AP5B1: variants seen among roughly 807,000 people sequenced by gnomAD.
AP5B1 encodes adaptor related protein complex 5 subunit beta 1, also known as AP-5 complex subunit beta-1.
A neutral mutation model predicts 5.7 loss-of-function variants in AP5B1; 3 were observed. That is an observed-to-expected ratio of 0.53 (90% CI 0.24 to 1.36). The LOEUF (loss-of-function observed/expected upper bound fraction) is 1.36. Ranked by LOEUF, AP5B1 falls within the 40% of genes most tolerant of loss-of-function variation. The pLI, the probability that AP5B1 is intolerant of heterozygous loss-of-function variation, is 0.17. For synonymous variants in AP5B1, 696 were observed against 555.5 expected (o/e 1.25, Z -3.56); for missense variants, 1,310 against 1,143.2 (o/e 1.15, Z -2.10).
chr11:65,779,056 T>G lies in AP5B1; in HGVS notation c.1437A>C (p.Gln479His). 2.5e-6 allele frequency: 4 copies of G among 1,607,400 alleles called. No homozygotes were observed. The highest frequency in any genetic ancestry group is 3.4e-6 in the Non-Finnish European group (4 of 1,177,126). ...GGATCAAGGGGGTCAGCACCGTAGG[T>G]TGCCCAGCCAGGCAGCAGGCCACCA... ...SYLVACCLAG[Q>H]PTVLTPLIHG... is the part of the protein sequence containing the mutation. The change falls in exon 2 of 2, where the codon CAA becomes CAC. Residue 479 changes from glutamine to histidine, a missense_variant. Transcript: ENST00000532090.
Position 65,778,231 on chromosome 11 carries a change from G to A in AP5B1, c.2262C>T (p.Ala754=). The change falls in exon 2 of 2, where the codon GCC becomes GCT. Residue 754 remains alanine (A), a synonymous_variant. Transcript: ENST00000532090. The part of the protein sequence containing the change: ...YTTSTGLTCH[A]HLPPLFVNFA... ...AGTTCACGAACAGGGGTGGCAAGTG[G>A]GCATGGCACGTGAGACCAGTGGATG... 6.2e-7 allele frequency: 1 copy of A among 1,613,434 alleles called. No individual in the cohort carries two copies. Among genetic ancestry groups the A allele is most frequent in the Non-Finnish European group, 8.5e-7 (1 of 1,179,898 alleles).
Position 65,778,200 on chromosome 11 carries a change from C to T in AP5B1, c.2293G>A (p.Asp765Asn), listed in dbSNP as rs768669290. 4.3e-6 allele frequency: 7 copies of T among 1,613,250 alleles called. No individual in the cohort carries two copies. The highest frequency in any genetic ancestry group is 4.5e-5 in the East Asian group (2 of 44,886). ...GGCTGCGGGAAAGGCAGAAAGAGGT[C>T]GGCAAAGTTCACGAACAGGGGTGGC... ...HLPPLFVNFA[D>N]LFLPFPQPPE... The change falls in exon 2 of 2, where the codon GAC (aspartate) becomes AAC (asparagine). Residue 765 changes from aspartate to asparagine, a missense_variant. Transcript: ENST00000532090.
Position 65,779,263 on chromosome 11 carries a change from C to T in AP5B1, c.1230G>A (p.Met410Ile), listed in dbSNP as rs184436350. 3.8e-6 allele frequency: 6 copies of T among 1,595,326 alleles called. No homozygotes were observed. In the Admixed American group the frequency reaches 5.1e-5, roughly 14 times the overall value. ...GTAAATGCAGGCGGGCCAGGAGGGCCATTGGGTCATGCAGGAGACTGGGCA... is the reference window on the plus strand; with the variant it reads ...GTAAATGCAGGCGGGCCAGGAGGGCTATTGGGTCATGCAGGAGACTGGGCA... The part of the protein sequence containing the change: ...GLLPSLLHDP[M>I]ALLARLHLLC... Residue 410 changes from methionine (M) to isoleucine (I), a missense_variant, in exon 2 of 2, where the codon ATG becomes ATA. Met to Ile is a conservative substitution (Grantham distance 10). Transcript: ENST00000532090.
rs1205765400 is a variant in AP5B1, at chr11:65,780,195, C to A, written c.298G>T (p.Ala100Ser). 5.3e-6 allele frequency: 8 copies of A among 1,497,878 alleles called. No individual in the cohort carries two copies. The highest frequency in any genetic ancestry group is 7.1e-6 in the Non-Finnish European group (8 of 1,126,502). The allele number at this position is 1,497,878 out of a possible 1,614,324, so 92.8% of individuals were successfully genotyped here. A position where few individuals can be genotyped will look rare whatever the true frequency, so the allele number is the denominator to read the frequency against. The change falls in exon 2 of 2, where the codon GCC (alanine) becomes TCC (serine). Residue 100 changes from alanine to serine, a missense_variant. Physicochemically the swap from Ala to Ser is moderately conservative, Grantham distance 99 (BLOSUM62 1). Transcript: ENST00000532090. ...CCGCCCGCCGCCAGGGCAGTGGTGG[C>A]CGCCAGCAGCAGTGGCCGACGGAGA... The part of the protein sequence containing the change: ...SALRRPLLLA[A>S]TTALAAGGAL...
In AP5B1 at chr11:65,779,086, C is replaced by T. The variant is rs79181038; in HGVS notation, c.1407G>A (p.Ser469=). Residue 469 remains serine (S), a synonymous_variant, in exon 2 of 2, where the codon TCG becomes TCA. Transcript: ENST00000532090. ...RALATLCFQA[S]YLVACCLAGQ... is the part of the protein sequence containing the mutation. ...CAGCCAGGCAGCAGGCCACCAGATA[C>T]GAGGCCTGGAAGCAGAGAGTGGCCA... 2.6e-3 allele frequency: 4,241 copies of T among 1,608,260 alleles called. 78 individuals carry two copies. The African/African-American group carries it at 0.048, about 18-fold the overall frequency.
In AP5B1 at chr11:65,780,600, G is replaced by C. The variant is rs1216775776; in HGVS notation, c.-9C>G. The stretch of plus-strand genomic sequence containing the variant: ...CGGCTCAGGGGCCCCATGGTGAGGC[G>C]CGCGGGCCCCTGCGCAGGGAAGAGG... On this transcript the variant is annotated 5_prime_UTR_variant, in exon 1 of 2. Transcript: ENST00000532090. The C allele has an allele frequency of 7.0e-7, 1 of 1,424,228 alleles. No individual in the cohort carries two copies. Among genetic ancestry groups the C allele is most frequent in the Admixed American group, 2.9e-5 (1 of 34,314 alleles). The allele number at this position is 1,424,228 out of a possible 1,614,324, so 88.2% of individuals were successfully genotyped here. A position where few individuals can be genotyped will look rare whatever the true frequency, so the allele number is the denominator to read the frequency against.
chr11:65,780,328 G>A lies in AP5B1; in HGVS notation c.165C>T (p.Ala55=), dbSNP rs367730829. 4.5e-5 allele frequency: 66 copies of A among 1,474,942 alleles called. No homozygotes were observed. The highest frequency in any genetic ancestry group is 1.8e-4 in the Middle Eastern group (1 of 5,642). 91.4% of individuals were successfully genotyped at this position (1,474,942 alleles called of 1,614,324 possible). A position where few individuals can be genotyped will look rare whatever the true frequency, so the allele number is the denominator to read the frequency against. The change falls in exon 2 of 2, where the codon GCC becomes GCT. Residue 55 remains alanine (A), a synonymous_variant. Transcript: ENST00000532090. ...LSEQTKVSLL[A]LSMEYPAQLW... The stretch of plus-strand genomic sequence containing the variant: ...GCTGCGCAGGGTACTCCATGCTCAG[G>A]GCCAGCAGGGAAACCTGGATGGGGG...
Position 65,777,774 on chromosome 11 carries a change from A to T in AP5B1, c.*82T>A. 7.1e-7 allele frequency: 1 copy of T among 1,407,118 alleles called. No homozygotes were observed. Among genetic ancestry groups the T allele is most frequent in the Non-Finnish European group, 9.4e-7 (1 of 1,069,018 alleles). 87.2% of individuals were successfully genotyped at this position (1,407,118 alleles called of 1,614,324 possible). A position where few individuals can be genotyped will look rare whatever the true frequency, so the allele number is the denominator to read the frequency against. ...AGCCAGCGAGGGCACTGCGGAATGC[A>T]GGGTTTTGGCGACAGAGCTACAGGA... On this transcript the variant is annotated 3_prime_UTR_variant, in exon 2 of 2. Transcript: ENST00000532090.
Position 65,778,604 on chromosome 11 carries a change from G to A in AP5B1, c.1889C>T (p.Ala630Val). The change falls in exon 2 of 2, where the codon GCC (alanine) becomes GTC (valine). Residue 630 changes from alanine to valine, a missense_variant. Physicochemically the swap from Ala to Val is moderately conservative, Grantham distance 64. Transcript: ENST00000532090. ...AGGTGCGGCAAGCGAGGGGCCCAGG[G>A]CCACCCCCAACTTGGGTGCTGCCAG... ...AHLAAPKLGV[A>V]LGPSLAAPAL... is the part of the protein sequence containing the mutation. 1 of 1,594,382 alleles carries A rather than the reference G, an allele frequency of 6.3e-7. No homozygotes were observed. The highest frequency in any genetic ancestry group is 8.5e-7 in the Non-Finnish European group (1 of 1,172,316).
At position 65,780,487 on chromosome 11, in the gene AP5B1, G is replaced by A. The variant is rs1315257973; in HGVS notation, c.105C>T (p.Asp35=). ...TCTCACTTCTCAGGTCGCTCAGCAGGTCGCGACCCAAATCCTCCCCCTCGG... is the reference window on the plus strand; with the variant it reads ...TCTCACTTCTCAGGTCGCTCAGCAGATCGCGACCCAAATCCTCCCCCTCGG... ...AGPEGEDLGR[D]LLSDLRSEKL... The change falls in exon 1 of 2, where the codon GAC becomes GAT. Residue 35 remains aspartate (D), a synonymous_variant. Transcript: ENST00000532090. 3 of 1,520,106 alleles carry A rather than the reference G, an allele frequency of 2.0e-6. No individual in the cohort carries two copies. Among genetic ancestry groups the A allele is most frequent in the South Asian group, 2.4e-5 (2 of 81,788 alleles). The allele number at this position is 1,520,106 out of a possible 1,614,324, so 94.2% of individuals were successfully genotyped here.
rs898970374 is a variant in AP5B1 at position 65,777,756 on chromosome 11, G to A, written c.*100C>T. Reference sequence around the variant, plus strand: ...GGGGCCCAAAAGAAAACAAGCCAGCGAGGGCACTGCGGAATGCAGGGTTTT... The same window carrying A: ...GGGGCCCAAAAGAAAACAAGCCAGCAAGGGCACTGCGGAATGCAGGGTTTT... On this transcript the variant is annotated 3_prime_UTR_variant, in exon 2 of 2. Transcript: ENST00000532090. 15 of 1,345,886 alleles carry A rather than the reference G, an allele frequency of 1.1e-5. No homozygotes were observed. Among genetic ancestry groups the A allele is most frequent in the African/African-American group, 5.9e-5 (4 of 67,744 alleles). 83.4% of individuals were successfully genotyped at this position (1,345,886 alleles called of 1,614,324 possible).
chr11:65,778,370 TC>T lies in AP5B1; in HGVS notation c.2122del (p.Glu708ArgfsTer54). 1.2e-6 allele frequency: 2 copies of T among 1,607,618 alleles called. No individual in the cohort carries two copies. The highest frequency in any genetic ancestry group is 1.7e-6 in the Non-Finnish European group (2 of 1,177,882). On this transcript the variant is annotated frameshift_variant, in exon 2 of 2. Coordinates refer to ENST00000532090, the MANE Select transcript of AP5B1 (RefSeq NM_138368.5). LOFTEE classifies it low-confidence loss of function (END_TRUNC). ...ACACAGGCAGGGCACATGGACAGCC[TC>T]CAGGGGTGCATACAGCTGTCCTTCC... ...RVEGQLYAPLEAVHVPCLCPG... is the reference protein window; with the variant it reads ...RVEGQLYAPLXAVHVPCLCPG...
In AP5B1 at chr11:65,779,832, C is replaced by T; in HGVS notation, c.661G>A (p.Gly221Ser). 3.8e-6 allele frequency: 6 copies of T among 1,589,812 alleles called. No individual in the cohort carries two copies. Among genetic ancestry groups the T allele is most frequent in the Non-Finnish European group, 4.3e-6 (5 of 1,168,350 alleles). Reference sequence around the variant, plus strand: ...TCCACTAGTGTCCAATCCCAGGGACCACCCCCAGTTGGGGAGACCTTATCC... The same window carrying T: ...TCCACTAGTGTCCAATCCCAGGGACTACCCCCAGTTGGGGAGACCTTATCC... ...LTDKVSPTGG[G>S]PWDWTLVEEG... The change falls in exon 2 of 2, where the codon GGT becomes AGT. Residue 221 changes from glycine (G) to serine (S), a missense_variant. Physicochemically the swap from Gly to Ser is moderately conservative, Grantham distance 56. Transcript: ENST00000532090.
In AP5B1 at chr11:65,779,988, G is replaced by A; in HGVS notation, c.505C>T (p.Leu169=). The A allele has an allele frequency of 6.4e-7, 1 of 1,572,884 alleles. No individual in the cohort carries two copies. The highest frequency in any genetic ancestry group is 8.6e-7 in the Non-Finnish European group (1 of 1,159,706). Residue 169 remains leucine (L), a synonymous_variant, in exon 2 of 2, where the codon CTG becomes TTG. Coordinates refer to ENST00000532090, the MANE Select transcript of AP5B1 (RefSeq NM_138368.5). ...SCKPGLLGGS[L]GLLRGLLGQE... Reference sequence around the variant, plus strand: ...CCCAGCAGGCCCCGCAGCAACCCCAGGGAGCCCCCCAGCAGCCCGGGCTTG... The same window carrying A: ...CCCAGCAGGCCCCGCAGCAACCCCAAGGAGCCCCCCAGCAGCCCGGGCTTG...
Position 65,778,348 on chromosome 11 carries a change from C to G in AP5B1, c.2145G>C (p.Leu715=). 1 of 1,610,988 alleles carries G rather than the reference C, an allele frequency of 6.2e-7. No individual in the cohort carries two copies. The highest frequency in any genetic ancestry group is 8.5e-7 in the Non-Finnish European group (1 of 1,179,178). ...APLEAVHVPC[L]CPGRPARPLL... is the part of the protein sequence containing the mutation. ...GAGGGCGGGCAGGGCGGCCAGGACA[C>G]AGGCAGGGCACATGGACAGCCTCCA... The change falls in exon 2 of 2, where the codon CTG becomes CTC. Residue 715 remains leucine (L), a synonymous_variant. Coordinates refer to ENST00000532090, the MANE Select transcript of AP5B1 (RefSeq NM_138368.5).
chr11:65,780,242 A>T lies in AP5B1; in HGVS notation c.251T>A (p.Leu84His). Residue 84 changes from leucine (L) to histidine (H), a missense_variant, in exon 2 of 2, where the codon CTC (leucine) becomes CAC (histidine). Physicochemically the swap from Leu to His is moderately conservative, Grantham distance 99. Coordinates refer to ENST00000532090, the MANE Select transcript of AP5B1 (RefSeq NM_138368.5). ...GAGAGCTGAGGGCCGCGGGGGTAGG[A>T]GGACCAAGGTGTCCAACAGGGAGGT... ...AATSLLDTLVLLPPRPSALRR... is the reference protein window; with the variant it reads ...AATSLLDTLVHLPPRPSALRR... 6.6e-7 allele frequency: 1 copy of T among 1,514,566 alleles called. No individual in the cohort carries two copies. The highest frequency in any genetic ancestry group is 2.3e-5 in the Admixed American group (1 of 44,178). 93.8% of individuals were successfully genotyped at this position (1,514,566 alleles called of 1,614,324 possible).
In AP5B1 at chr11:65,777,890, C is replaced by T. The variant is rs1317747499; in HGVS notation, c.2603G>A (p.Gly868Glu). 1.3e-6 allele frequency: 2 copies of T among 1,543,912 alleles called. No individual in the cohort carries two copies. The highest frequency in any genetic ancestry group is 8.7e-7 in the Non-Finnish European group (1 of 1,142,990). ...AGCCGCCAGCCCACGGAGGTAGTCC[C>T]CCGCCAGGGGCAGCACGGCCCAGTC... ...TDDWAVLPLA[G>E]DYLRGLAAAV The change falls in exon 2 of 2, where the codon GGG (glycine) becomes GAG (glutamate). Residue 868 changes from glycine (G) to glutamate (E), a missense_variant. Gly to Glu is a moderately conservative substitution (Grantham distance 98). Transcript: ENST00000532090.
chr11:65,780,702 C>T lies in AP5B1; in HGVS notation c.-111G>A. The T allele has an allele frequency of 8.6e-7, 1 of 1,156,768 alleles. No homozygotes were observed. Among genetic ancestry groups the T allele is most frequent in the South Asian group, 3.4e-5 (1 of 29,788 alleles). The allele number at this position is 1,156,768 out of a possible 1,614,324, so 71.7% of individuals were successfully genotyped here. A position where few individuals can be genotyped will look rare whatever the true frequency, so the allele number is the denominator to read the frequency against. On this transcript the variant is annotated 5_prime_UTR_variant, in exon 1 of 2. Coordinates refer to ENST00000532090, the MANE Select transcript of AP5B1 (RefSeq NM_138368.5). Reference sequence around the variant, plus strand: ...GGGCTGCGGTCACCCCCAGACGCCGCGCAGATGCCGGCGGGACCCGCGCCC... The same window carrying T: ...GGGCTGCGGTCACCCCCAGACGCCGTGCAGATGCCGGCGGGACCCGCGCCC...
Position 65,779,014 on chromosome 11 carries a change from C to A in AP5B1, c.1479G>T (p.Leu493=). ...LTPLIHGLAQ[L]YQARPMLAPH... ...GAGCCAGCATGGGCCGGGCTTGGTACAGCTGGGCCAGTCCGTGGATCAAGG... is the reference window on the plus strand; with the variant it reads ...GAGCCAGCATGGGCCGGGCTTGGTAAAGCTGGGCCAGTCCGTGGATCAAGG... The change falls in exon 2 of 2, where the codon CTG becomes CTT. Residue 493 remains leucine, a synonymous_variant. Coordinates refer to ENST00000532090, the MANE Select transcript of AP5B1 (RefSeq NM_138368.5). The A allele has an allele frequency of 6.2e-7, 1 of 1,609,174 alleles. No homozygotes were observed.
Sources: gnomAD v4.1 joint callset for allele counts on GRCh38, gnomAD v4.1.1 for gene constraint, MANE v1.5 for transcripts, NCBI Gene and HGNC (gene_info 2026-07-23, HGNC 2026-07-21) for gene names.